Variants in ADORA2B observed in about 807,000 individuals in gnomAD.
ADORA2B encodes adenosine A2b receptor, also known as adenosine receptor A2b.
In ADORA2B, 18 loss-of-function variants were observed where a neutral mutation model predicts 20.8. The observed-to-expected ratio is 0.87, with a 90% confidence interval of 0.60 to 1.29. The LOEUF is 1.29. ADORA2B is among the 50% of genes most tolerant of loss of function. The pLI is 0.00. For synonymous variants in ADORA2B, 179 were observed against 178.3 expected (o/e 1.00, Z -0.03); for missense variants, 441 against 422.7 (o/e 1.04, Z -0.38).
the ADORA2B span, among the ~76,000 whole-genome samples, chr17:15,872,921 C>G: frequency 6.6e-6 from 1 of 152,148 alleles, no homozygotes; most frequent in Non-Finnish European, 1.5e-5. Context: ...ATTGCTCTGG[C>G]TAGGAGTTTC....
chr17:15,959,469 ACACTGG>A (rs1970008844), intron 1 of ADORA2B, among the ~76,000 whole-genome samples: 2 of 150,158 alleles, frequency 1.3e-5, no homozygotes, highest in African/African-American at 2.5e-5. Context: ...ACACACACAT[ACACTGG>A]CACAATGATC....
chr17:15,866,910 G>A, the ADORA2B span, among the ~76,000 whole-genome samples: 5 of 152,348 alleles, frequency 3.3e-5, no homozygotes, highest in African/African-American at 1.2e-4. Context: ...TCAGCCTGCC[G>A]AGTGCCTGCG....
the ADORA2B span, among the ~76,000 whole-genome samples, chr17:15,894,606 G>A: frequency 6.6e-6 from 1 of 152,190 alleles, no homozygotes; most frequent in Non-Finnish European, 1.5e-5. Flanking sequence ...GAGAGTGGTA[G>A]CAACGCAGAT....
chr17:15,866,694 T>TGCCG, the ADORA2B span, among the ~76,000 whole-genome samples: 4 of 143,788 alleles, frequency 2.8e-5, no homozygotes, highest in African/African-American at 8.1e-5. Context: ...TCCCTCTGCC[T>TGCCG]CTGCCTCTGC....
intron 1 of ADORA2B, among the ~76,000 whole-genome samples, chr17:15,954,650 C>T (rs1024986811): frequency 1.3e-5 from 2 of 152,082 alleles, no homozygotes; most frequent in African/African-American, 4.8e-5. Context: ...ACCTGTAATC[C>T]CAGCCCTTTG....
At position 15,975,221 on chromosome 17, in the gene ADORA2B, G is replaced by A. The variant is rs1021224191; in HGVS notation, c.878G>A (p.Arg293Gln). Residue 293 changes from arginine (R) to glutamine (Q), a missense_variant, in exon 2 of 2, where the codon CGG becomes CAG. By Grantham distance (43) the Arg-to-Gln change is conservative. Transcript: ENST00000304222. Reference protein sequence around the residue: ...SVVNPIVYAYRNRDFRYTFHK... With the variant: ...SVVNPIVYAYQNRDFRYTFHK... ...GTCAATCCCATTGTCTATGCTTACC[G>A]GAACCGAGACTTCCGCTACACTTTT... 1.2e-6 allele frequency: 2 copies of A among 1,613,944 alleles called. No homozygotes were observed. The highest frequency in any genetic ancestry group is 1.6e-4 in the Middle Eastern group (1 of 6,062).
chr17:15,896,993 T>C, the ADORA2B span, among the ~76,000 whole-genome samples: 1 of 152,198 alleles, frequency 6.6e-6, no homozygotes, highest in Non-Finnish European at 1.5e-5. Context: ...GGAATGACTG[T>C]TGGTCTATCT....
the ADORA2B span, among the ~76,000 whole-genome samples, chr17:15,867,151 G>A: frequency 1.3e-5 from 2 of 152,138 alleles, no homozygotes; most frequent in Admixed American, 6.5e-5. Flanking sequence ...CCACCTCCCA[G>A]CTGCCTGCCT....
intron 1 of ADORA2B, among the ~76,000 whole-genome samples, chr17:15,955,610 G>A (rs558330653): frequency 1.3e-4 from 20 of 151,636 alleles, no homozygotes; most frequent in African/African-American, 4.6e-4. Flanking sequence ...GTTTCACCAT[G>A]TTGGCCAGGC....
chr17:15,896,405 CACTTCTAGA>C, the ADORA2B span, among the ~76,000 whole-genome samples: 1,919 of 152,210 alleles, frequency 0.013, 35 homozygotes, highest in African/African-American at 0.044. Flanking sequence ...AATCAAATAA[CACTTCTAGA>C]AATGAAAATG....
chr17:15,955,955 A>T (rs1316509036), intron 1 of ADORA2B, among the ~76,000 whole-genome samples: 5 of 152,004 alleles, frequency 3.3e-5, no homozygotes, highest in African/African-American at 1.2e-4. Context: ...CCTGACCTCA[A>T]GCGATCTGCC....
the ADORA2B span, among the ~76,000 whole-genome samples, chr17:15,893,939 C>A: frequency 6.6e-6 from 1 of 152,190 alleles, no homozygotes; most frequent in Non-Finnish European, 1.5e-5. Context: ...GCTAAAGAGG[C>A]CTTCAACACT....
the ADORA2B span, among the ~76,000 whole-genome samples, chr17:15,866,700 T>TCTGCCGCTGCCGCTGCCG: frequency 4.9e-5 from 6 of 123,238 alleles, no homozygotes; most frequent in African/African-American, 1.8e-4. Flanking sequence ...TGCCTCTGCC[T>TCTGCCGCTGCCGCTGCCG]CTGCCGCTGC....
the ADORA2B span, among the ~76,000 whole-genome samples, chr17:15,921,388 C>T: frequency 1.3e-5 from 2 of 152,228 alleles, no homozygotes; most frequent in Non-Finnish European, 2.9e-5. Context: ...TATTATCCCT[C>T]TTGATGGTTG....
chr17:15,863,196 T>C, the ADORA2B span, among the ~76,000 whole-genome samples: 8 of 152,222 alleles, frequency 5.3e-5, no homozygotes, highest in Non-Finnish European at 1.2e-4. Flanking sequence ...GCTATGGGTA[T>C]ATTAATATGC....
chr17:15,870,285 C>G, the ADORA2B span, among the ~76,000 whole-genome samples: 788 of 146,130 alleles, frequency 5.4e-3, 13 homozygotes, highest in African/African-American at 0.019. Flanking sequence ...ATTACTTTTG[C>G]ACCAACCTAA....
the ADORA2B span, among the ~76,000 whole-genome samples, chr17:15,887,580 G>T: frequency 7.7e-6 from 1 of 129,300 alleles, no homozygotes; most frequent in Non-Finnish European, 1.6e-5. Context: ...TATGAGCATG[G>T]CGCCTGCAGC....
chr17:15,861,110 G>C, the ADORA2B span: 1 of 152,344 alleles, frequency 6.6e-6, no homozygotes, highest in African/African-American at 2.4e-5. Context: ...ACAAATACTT[G>C]CTGCATGAAA....
At chr17:15,953,642 C>T (rs1969933224) in intron 1 of ADORA2B, among the ~76,000 whole-genome samples, 1 of 149,892 alleles carries the variant, frequency 6.7e-6, no homozygotes, top group Admixed American at 6.6e-5. Flanking sequence ...GTGTTTCTGT[C>T]AAGTGGTGAT....
Sources: allele counts gnomAD v4.1 joint callset (sites outside exome capture counted in the v4.1 genomes callset), GRCh38; gene constraint gnomAD v4.1.1; transcripts MANE v1.5; gene names NCBI Gene and HGNC (gene_info 2026-07-23, HGNC 2026-07-21).